The following CAPS2 variants were observed in gnomAD, a reference collection of about 807,000 sequenced individuals.
CAPS2 encodes calcyphosine 2.
CAPS2 carries 98 observed loss-of-function variants against 86.5 expected under a neutral mutation model. That is an observed-to-expected ratio of 1.13 (90% CI 0.96 to 1.34). The LOEUF (loss-of-function observed/expected upper bound fraction) is 1.34, where lower values mean the gene tolerates loss of function less well. Ranked by LOEUF, CAPS2 falls within the 40% of genes most tolerant of loss-of-function variation. The pLI, the probability that CAPS2 is intolerant of heterozygous loss-of-function variation, is 0.00. For missense variants in CAPS2, 729 were observed against 686.8 expected, an observed-to-expected ratio of 1.06 and a Z score of -0.69; for synonymous variants, 210 against 225.1, an observed-to-expected ratio of 0.93 and a Z score of 0.60.
chr12:75,283,193 G>A (rs903042047), intron 15 of CAPS2, among the ~76,000 whole-genome samples: 1 of 152,148 alleles, frequency 6.6e-6, no homozygotes, highest in Admixed American at 6.6e-5. Flanking sequence ...CTAATTCAGT[G>A]TAGCTCTATC....
intron 1 of CAPS2, among the ~76,000 whole-genome samples, chr12:75,362,625 G>A (rs975702947): frequency 3.5e-4 from 54 of 152,224 alleles, no homozygotes; most frequent in African/African-American, 1.2e-3. Context: ...AGAAGATAAA[G>A]AGGCTTTGAA....
chr12:75,324,709 G>C (rs1179218056), intron 2 of CAPS2, among the ~76,000 whole-genome samples: 1 of 151,860 alleles, frequency 6.6e-6, no homozygotes, highest in Non-Finnish European at 1.5e-5. Flanking sequence ...TTTTAAAAAA[G>C]CTCTGTAATC....
At chr12:75,323,752 C>CAAAT (rs1434771620) in intron 2 of CAPS2, among the ~76,000 whole-genome samples, 3 of 152,144 alleles carry the variant, frequency 2.0e-5, no homozygotes, top group African/African-American at 4.8e-5. Context: ...TCAAAATAAA[C>CAAAT]AAATAAATAA....
chr12:75,294,483 A>G (rs1387080748), intron 11 of CAPS2, among the ~76,000 whole-genome samples: 4 of 152,206 alleles, frequency 2.6e-5, no homozygotes, highest in Non-Finnish European at 5.9e-5. Flanking sequence ...GAGTGTAAAC[A>G]GCAAGGGAGA....
intron 1 of CAPS2, among the ~76,000 whole-genome samples, chr12:75,354,029 C>T (rs1247659419): frequency 1.3e-5 from 2 of 151,896 alleles, no homozygotes. Flanking sequence ...AACCCATGGC[C>T]AATGTCATAC....
intron 1 of CAPS2, among the ~76,000 whole-genome samples, chr12:75,375,351 G>A (rs186904555): frequency 3.9e-5 from 6 of 152,208 alleles, no homozygotes; most frequent in East Asian, 3.9e-4. Context: ...TTGGATCCCC[G>A]GGAATCAATG....
chr12:75,376,127 C>A (rs1461798685), intron 1 of CAPS2, among the ~76,000 whole-genome samples: 1 of 152,180 alleles, frequency 6.6e-6, no homozygotes, highest in Admixed American at 6.5e-5. Context: ...GGACATCTGG[C>A]ATTTCCAGCT....
intron 1 of CAPS2, among the ~76,000 whole-genome samples, chr12:75,382,733 T>C (rs1354206495): frequency 1.3e-5 from 2 of 152,110 alleles, no homozygotes; most frequent in African/African-American, 4.8e-5. Flanking sequence ...ACAAATCATC[T>C]GAGATAAGCA....
chr12:75,298,209 G>C (rs2037222017), intron 11 of CAPS2: 1 of 160,408 alleles, frequency 6.2e-6, no homozygotes, highest in African/African-American at 2.4e-5. Flanking sequence ...GGGAATCCTT[G>C]TGACACACCA....
At chr12:75,289,730 G>A (rs1459972360) in exon 14 of CAPS2, 1 of 1,612,608 alleles carries the variant, frequency 6.2e-7, no homozygotes, top group East Asian at 2.2e-5. Flanking sequence ...TCCCAATCCA[G>A]TCAAAATACG....
chr12:75,329,980 A>G (rs2041150602), upstream of CAPS2: 1 of 893,388 alleles, frequency 1.1e-6, no homozygotes, highest in Non-Finnish European at 1.7e-6. Context: ...GAAAAGGTAT[A>G]AACTAGCGCG....
intron 12 of CAPS2, 117 bp downstream of exon 12, chr12:75,293,132 T>C (rs1203960066): frequency 1.5e-6 from 1 of 663,822 alleles, no homozygotes; most frequent in African/African-American, 1.9e-5. Flanking sequence ...TGCTTGTTTT[T>C]TCAAAATATA....
chr12:75,285,363 T>C (rs1430832749), intron 14 of CAPS2, among the ~76,000 whole-genome samples: 1 of 152,026 alleles, frequency 6.6e-6, no homozygotes, highest in Non-Finnish European at 1.5e-5. Context: ...TAATTGTATA[T>C]AGTTATAGGG....
upstream of CAPS2, among the ~76,000 whole-genome samples, chr12:75,327,126 ATGT>A (rs1203063351): frequency 6.6e-6 from 1 of 152,206 alleles, no homozygotes; most frequent in African/African-American, 2.4e-5. Context: ...TAATAAATTT[ATGT>A]TGTTTTAAAC....
intron 13 of CAPS2, among the ~76,000 whole-genome samples, chr12:75,290,936 A>AAAAAAAAAAC (rs150334043): frequency 2.6e-3 from 377 of 147,154 alleles, no homozygotes; most frequent in East Asian, 7.0e-3. Context: ...AAAAAAAAAC[A>AAAAAAAAAAC]AAAAAAAAAC....
upstream of CAPS2, chr12:75,326,607 C>G (rs1230884046): frequency 1.4e-5 from 10 of 694,358 alleles, no homozygotes; most frequent in East Asian, 2.5e-4. Flanking sequence ...CCTAACAAGT[C>G]TACCTGGAAA....
At chr12:75,331,114 A>G (rs771542977), upstream of CAPS2, among the ~76,000 whole-genome samples, 14 of 152,150 alleles carry the variant, frequency 9.2e-5, no homozygotes, top group Non-Finnish European at 1.3e-4. Context: ...TCTGTACACA[A>G]TATCTTGGCA....
exon 8 of CAPS2, chr12:75,304,875 C>T (rs896636178): frequency 1.2e-6 from 2 of 1,607,824 alleles, no homozygotes; most frequent in African/African-American, 1.3e-5. Context: ...CTGATGACAG[C>T]CCTATACAGG....
chr12:75,378,363 A>G (rs1038021995), intron 1 of CAPS2, among the ~76,000 whole-genome samples: 1 of 152,176 alleles, frequency 6.6e-6, no homozygotes, highest in Admixed American at 6.5e-5. Context: ...TACATCTGTC[A>G]GTGTTCTCCA....
Sources: allele counts gnomAD v4.1 joint callset (sites outside exome capture counted in the v4.1 genomes callset), GRCh38; gene constraint gnomAD v4.1.1; transcripts MANE v1.5; gene names NCBI Gene and HGNC (gene_info 2026-07-23, HGNC 2026-07-21).